Variants in CAMTA1 observed in about 807,000 individuals in gnomAD.
CAMTA1 encodes the protein calmodulin binding transcription activator 1, also known as calmodulin-binding transcription activator 1.
CAMTA1 carries 27 observed loss-of-function variants against 170.9 expected under a neutral mutation model. That is an observed-to-expected ratio of 0.16 (90% CI 0.12 to 0.22). CAMTA1 has a LOEUF of 0.22. CAMTA1 is among the 10% of genes least tolerant of loss of function. The probability of loss-of-function intolerance (pLI) is 1.00; values close to 1 mark genes in which losing one functional copy is unlikely to be tolerated. For missense variants in CAMTA1, 1,619 were observed against 2,217.2 expected (o/e 0.73, Z 5.42); for synonymous variants, 833 against 891.5 (o/e 0.93, Z 1.17).
intron 6 of CAMTA1, among the ~76,000 whole-genome samples, chr1:7,569,312 C>A (rs2150324021): frequency 6.7e-6 from 1 of 149,348 alleles, no homozygotes; most frequent in African/African-American, 2.5e-5. Flanking sequence ...ATCAACATCA[C>A]CATCATCATC....
chr1:7,375,644 A>C (rs1384818794), intron 5 of CAMTA1, among the ~76,000 whole-genome samples: 1 of 152,218 alleles, frequency 6.6e-6, no homozygotes, highest in Non-Finnish European at 1.5e-5. Flanking sequence ...TCCCCTGTGC[A>C]GGCTGGCACC....
chr1:7,766,347 G>A (rs966311267), intron 22 of CAMTA1, 112 bp from the exon 23 acceptor site: 15 of 878,556 alleles, frequency 1.7e-5, no homozygotes, highest in East Asian at 2.6e-5. Context: ...TCCTCAAAAC[G>A]GTTTTAGTCT....
chr1:7,528,005 C>T (rs187530515), intron 6 of CAMTA1, among the ~76,000 whole-genome samples: 129 of 152,254 alleles, frequency 8.5e-4, no homozygotes, highest in Middle Eastern at 3.4e-3. Context: ...CCACTAGAGA[C>T]GGAGCCCTGG....
At chr1:7,754,598 G>A (rs2096918871) in intron 21 of CAMTA1, among the ~76,000 whole-genome samples, 1 of 152,178 alleles carries the variant, frequency 6.6e-6, no homozygotes, top group Non-Finnish European at 1.5e-5. Flanking sequence ...TAAACTGGTA[G>A]AGGAAAATTT....
intron 6 of CAMTA1, among the ~76,000 whole-genome samples, chr1:7,621,110 C>T (rs184078433): frequency 6.6e-6 from 1 of 152,298 alleles, no homozygotes; most frequent in Admixed American, 6.5e-5. Context: ...AAGGCCAGGA[C>T]CTTGAGAGGC....
At chr1:6,902,073 A>ACACACACACACACACAC (rs772368106) in intron 3 of CAMTA1, among the ~76,000 whole-genome samples, 4 of 78,496 alleles carry the variant, frequency 5.1e-5, no homozygotes, top group African/African-American at 1.6e-4. Flanking sequence ...ACACACACAC[A>ACACACACACACACACAC]AAAAAAAAAA....
chr1:6,955,644 G>T (rs1021076575), intron 3 of CAMTA1, among the ~76,000 whole-genome samples: 1 of 152,182 alleles, frequency 6.6e-6, no homozygotes, highest in Non-Finnish European at 1.5e-5. Context: ...TTCTCCTGAA[G>T]GCCCTACCTG....
chr1:6,899,552 GCGCACACACACACACACACA>G (rs1431462009), intron 3 of CAMTA1, among the ~76,000 whole-genome samples: 4 of 104,716 alleles, frequency 3.8e-5, no homozygotes, highest in Non-Finnish European at 6.1e-5. Context: ...GCACGCGCGC[GCGCACACACACACACACACA>G]CACACACACA....
chr1:7,493,393 G>A (rs2093767887), intron 6 of CAMTA1, among the ~76,000 whole-genome samples: 1 of 139,378 alleles, frequency 7.2e-6, no homozygotes, highest in South Asian at 2.4e-4. Flanking sequence ...ACAAACACGT[G>A]CACACACACA....
chr1:7,299,520 A>C lies in CAMTA1; in HGVS notation c.438+49894A>C, dbSNP rs2149542253. Among the ~76,000 whole-genome samples, 1 of 152,228 alleles carries C rather than the reference A, an allele frequency of 6.6e-6. No homozygotes were observed. The highest frequency in any genetic ancestry group is 3.4e-3 in the Middle Eastern group (1 of 294). ...TGCCTCCTGCTGCTGCATGACTCAG[A>C]CTCGGAGAGCTTCCAACCTCGCAAT... is the stretch of plus-strand genomic sequence containing the variant. On this transcript the variant is annotated intron_variant, in intron 5 of 22. Transcript: ENST00000303635. This position sits in a 1 kb window ranked among gnomAD's most constrained non-coding sequence, Gnocchi z 4.7.
chr1:7,285,890 T>C (rs1672278559), intron 5 of CAMTA1, among the ~76,000 whole-genome samples: 1 of 152,218 alleles, frequency 6.6e-6, no homozygotes, highest in Non-Finnish European at 1.5e-5. Flanking sequence ...AGGAGGCTCA[T>C]GATAGGGGTG....
In CAMTA1 at chr1:7,299,307, A is replaced by C. The variant is rs1291007055; in HGVS notation, c.438+49681A>C. ...TTTGTACATCTAAAAATGTTGTTGA[A>C]ATCATCTGAGCCTCTGAGCAAGAGC... On this transcript the variant is annotated intron_variant, in intron 5 of 22. Transcript: ENST00000303635. The surrounding 1 kb of genome is among the most constrained non-coding windows in gnomAD (Gnocchi z 4.7). 1.3e-5 allele frequency among the ~76,000 whole-genome samples: 2 copies of C among 152,202 alleles called. No individual in the cohort carries two copies. The highest frequency in any genetic ancestry group is 2.9e-5 in the Non-Finnish European group (2 of 68,026).
At chr1:7,598,358 C>T (rs965288944) in intron 6 of CAMTA1, among the ~76,000 whole-genome samples, 14 of 152,130 alleles carry the variant, frequency 9.2e-5, no homozygotes, top group Non-Finnish European at 1.6e-4. Context: ...GGGTTGGTTC[C>T]AAGTCTTTCC....
chr1:7,725,565 C>G (rs1386110989), intron 11 of CAMTA1, among the ~76,000 whole-genome samples: 1 of 152,236 alleles, frequency 6.6e-6, no homozygotes, highest in Non-Finnish European at 1.5e-5. Flanking sequence ...ATCTCTGCTT[C>G]TGTTTGAGCA....
At chr1:7,373,601 A>G (rs1470440077) in intron 5 of CAMTA1, among the ~76,000 whole-genome samples, 1 of 152,250 alleles carries the variant, frequency 6.6e-6, no homozygotes, top group Non-Finnish European at 1.5e-5. Flanking sequence ...CAGGAAACCC[A>G]AAACAATGAT....
intron 3 of CAMTA1, among the ~76,000 whole-genome samples, chr1:6,915,134 A>T (rs1680514882): frequency 6.6e-6 from 1 of 152,200 alleles, no homozygotes; most frequent in Non-Finnish European, 1.5e-5. Context: ...AAGAAAAGCC[A>T]CTTTAATGGA....
chr1:7,639,800 G>A (rs1022537894), intron 6 of CAMTA1, among the ~76,000 whole-genome samples: 2 of 152,158 alleles, frequency 1.3e-5, no homozygotes, highest in Admixed American at 6.5e-5. Flanking sequence ...CTTCATTGCA[G>A]GGCTGTTTGT....
chr1:7,674,436 A>G lies in CAMTA1; in HGVS notation c.2780-3163A>G, dbSNP rs760532407. On this transcript the variant is annotated intron_variant, in intron 10 of 22. Transcript: ENST00000303635. The surrounding 1 kb of genome is among the most constrained non-coding windows in gnomAD (Gnocchi z 4.1). Reference sequence around the variant, plus strand: ...CCACCAAGAAGACTCTACTGGCCAGAGAGCCCTACTCTGGATTCCTAAGAG... The same window carrying G: ...CCACCAAGAAGACTCTACTGGCCAGGGAGCCCTACTCTGGATTCCTAAGAG... Among the ~76,000 whole-genome samples, 2 of 152,186 alleles carry G rather than the reference A, an allele frequency of 1.3e-5. No homozygotes were observed. The highest frequency in any genetic ancestry group is 2.9e-5 in the Non-Finnish European group (2 of 68,046).
chr1:7,545,126 T>A (rs890241441), intron 6 of CAMTA1, among the ~76,000 whole-genome samples: 3 of 152,238 alleles, frequency 2.0e-5, no homozygotes, highest in Non-Finnish European at 4.4e-5. Flanking sequence ...AACCATAACT[T>A]GCTTATGCCG....
Sources: gnomAD v4.1 joint callset for allele counts (sites outside exome capture counted in the v4.1 genomes callset) on GRCh38, gnomAD v4.1.1 for gene constraint, Gnocchi (gnomAD v3.1) non-coding constraint, MANE v1.5 for transcripts, NCBI Gene and HGNC (gene_info 2026-07-23, HGNC 2026-07-21) for gene names.